The following TNRC6A variants were observed in gnomAD, a reference collection of about 807,000 sequenced individuals.
TNRC6A encodes trinucleotide repeat containing adaptor 6A.
In TNRC6A, 44 loss-of-function variants were observed where a neutral mutation model predicts 221.2. The ratio of observed to expected loss-of-function variants is 0.20; its 90% CI spans 0.16 to 0.26. The LOEUF is 0.26. Among genes scored for constraint, TNRC6A ranks in the 10% least tolerant of loss-of-function variants. The probability of loss-of-function intolerance (pLI) is 1.00; values close to 1 mark genes in which losing one functional copy is unlikely to be tolerated. For synonymous variants in TNRC6A, 847 were observed against 838.5 expected, an observed-to-expected ratio of 1.01 and a Z score of -0.18; for missense variants, 2,199 against 2,404.4, an observed-to-expected ratio of 0.91 and a Z score of 1.79.
chr16:24,817,068 T>G, intron 20 of TNRC6A, 112 bp downstream of exon 20: 2 of 1,143,162 alleles, frequency 1.7e-6, no homozygotes, highest in Non-Finnish European at 2.3e-6. Context: ...CTGGGATCAC[T>G]TGAGCCCAGG....
intron 3 of TNRC6A, among the ~76,000 whole-genome samples, chr16:24,757,595 G>GT (rs1194731727): frequency 2.0e-5 from 3 of 152,140 alleles, no homozygotes; most frequent in African/African-American, 7.2e-5. Context: ...GCCCTTGGGA[G>GT]TTTGAGCTAG....
At chr16:24,813,295 A>G (rs1280721733) in intron 18 of TNRC6A, among the ~76,000 whole-genome samples, 1 of 152,226 alleles carries the variant, frequency 6.6e-6, no homozygotes, top group Non-Finnish European at 1.5e-5. Context: ...CATTGCCCAA[A>G]TAGTGAACAT....
At chr16:24,718,770 C>T (rs912090660) in intron 2 of TNRC6A, among the ~76,000 whole-genome samples, 1 of 152,094 alleles carries the variant, frequency 6.6e-6, no homozygotes, top group African/African-American at 2.4e-5. Context: ...GGTGCAGTAG[C>T]TCACACCTGT....
intron 1 of TNRC6A, among the ~76,000 whole-genome samples, chr16:24,628,286 G>T (rs1436017384): frequency 6.6e-6 from 1 of 151,858 alleles, no homozygotes; most frequent in Non-Finnish European, 1.5e-5. Context: ...TGGGTGTGGT[G>T]GTGGGCGCCT....
chr16:24,714,607 C>G (rs1021050987), intron 2 of TNRC6A, among the ~76,000 whole-genome samples: 4 of 151,972 alleles, frequency 2.6e-5, no homozygotes, highest in Non-Finnish European at 4.4e-5. Context: ...GCCCAGCCTG[C>G]TGTTAATCTT....
chr16:24,734,780 T>G (rs2056725986), intron 2 of TNRC6A, among the ~76,000 whole-genome samples: 1 of 152,238 alleles, frequency 6.6e-6, no homozygotes. Context: ...TTATGTTCAT[T>G]CTAGTGATGA....
At chr16:24,733,515 A>G (rs767575831) in intron 2 of TNRC6A, among the ~76,000 whole-genome samples, 8 of 152,260 alleles carry the variant, frequency 5.3e-5, no homozygotes, top group Non-Finnish European at 2.9e-5. Context: ...GATTACCATT[A>G]GAACTGAACT....
chr16:24,793,653 A>G lies in TNRC6A; in HGVS notation c.3352+4A>G. The G allele has an allele frequency of 6.9e-7, 1 of 1,439,060 alleles. No individual in the cohort carries two copies. The highest frequency in any genetic ancestry group is 1.4e-5 in the African/African-American group (1 of 70,070). 89.1% of individuals were successfully genotyped at this position (1,439,060 alleles called of 1,614,324 possible). Reference sequence around the variant, plus strand: ...CCACAAGCATTAAGCAAATCTGGTAAGTTATTGACAATGCCTGGTAGCTGT... The same window carrying G: ...CCACAAGCATTAAGCAAATCTGGTAGGTTATTGACAATGCCTGGTAGCTGT... On this transcript the variant is annotated splice_donor_region_variant and intron_variant, in intron 7 of 24. Coordinates refer to ENST00000395799, the MANE Select transcript of TNRC6A (RefSeq NM_014494.4).
chr16:24,797,804 T>C, intron 10 of TNRC6A, 111 bp from the exon 11 acceptor site: 1 of 1,012,058 alleles, frequency 9.9e-7, no homozygotes, highest in Non-Finnish European at 1.4e-6. Flanking sequence ...AATGAAGCTT[T>C]ATGATCCACT....
chr16:24,681,419 G>C (rs1044956954), intron 2 of TNRC6A, among the ~76,000 whole-genome samples: 2 of 152,160 alleles, frequency 1.3e-5, no homozygotes, highest in Middle Eastern at 3.4e-3. Flanking sequence ...GTAGAGACAG[G>C]GTTTTCCCAT....
rs762114319 is a variant in TNRC6A, at chr16:24,777,095, C to A, written c.326C>A (p.Pro109Gln). Residue 109 changes from proline (P) to glutamine (Q), a missense_variant, in exon 5 of 25, where the codon CCA (proline) becomes CAA (glutamine). Transcript: ENST00000395799. ...CAGCAGCAGCCGCAGCAGCAGCAGC[C>A]ACAGCAGCAGCCACAGCCGCAGCCG... ...QQQQQPQQQQ[P>Q]QQQPQPQPQQ... The A allele has an allele frequency of 3.4e-6, 5 of 1,475,306 alleles. No homozygotes were observed. Among genetic ancestry groups the A allele is most frequent in the Non-Finnish European group, 4.7e-6 (5 of 1,060,508 alleles). The allele number at this position is 1,475,306 out of a possible 1,614,324, so 91.4% of individuals were successfully genotyped here. A position where few individuals can be genotyped will look rare whatever the true frequency, so the allele number is the denominator to read the frequency against.
intron 2 of TNRC6A, among the ~76,000 whole-genome samples, chr16:24,644,048 G>T (rs1039144390): frequency 1.3e-5 from 2 of 150,808 alleles, no homozygotes; most frequent in Non-Finnish European, 2.9e-5. Context: ...CTAGATCATC[G>T]CTGGGTTTTG....
Position 24,729,795 on chromosome 16 carries a change from CG to C in TNRC6A, c.-46del. The C allele has an allele frequency of 7.1e-7, 1 of 1,404,894 alleles. No homozygotes were observed. Among genetic ancestry groups the C allele is most frequent in the Non-Finnish European group, 9.3e-7 (1 of 1,072,844 alleles). The allele number at this position is 1,404,894 out of a possible 1,614,324, so 87.0% of individuals were successfully genotyped here. A position where few individuals can be genotyped will look rare whatever the true frequency, so the allele number is the denominator to read the frequency against. On this transcript the variant is annotated 5_prime_UTR_variant, in exon 1 of 25. Transcript: ENST00000395799. ...GCGGCGCTGCGGAGGGCTTGAGGCT[CG>C]CGAGCCTCCTTCGCCGCGCCCCACT...
intron 3 of TNRC6A, among the ~76,000 whole-genome samples, chr16:24,756,804 A>G (rs1190064017): frequency 6.6e-6 from 1 of 152,028 alleles, no homozygotes; most frequent in Non-Finnish European, 1.5e-5. Flanking sequence ...TTGGGTTTTT[A>G]TGTGGTCATT....
At chr16:24,732,625 C>A (rs927861211) in intron 2 of TNRC6A, among the ~76,000 whole-genome samples, 9 of 152,130 alleles carry the variant, frequency 5.9e-5, no homozygotes, top group Admixed American at 2.0e-4. Context: ...TTGAAAATTT[C>A]TTTTGGTAGG....
At chr16:24,816,040 A>G (rs11647239) in intron 19 of TNRC6A, 6,049 of 152,416 alleles carry the variant, frequency 0.04, 173 homozygotes, top group Non-Finnish European at 0.062. Flanking sequence ...ATAAACATGA[A>G]TCTGGCGGGT....
intron 18 of TNRC6A, among the ~76,000 whole-genome samples, chr16:24,813,590 G>A (rs963803390): frequency 6.6e-6 from 1 of 152,190 alleles, no homozygotes; most frequent in African/African-American, 2.4e-5. Flanking sequence ...CTGGAACAGG[G>A]TTAGACACAT....
At chr16:24,664,235 G>A (rs969008466) in intron 2 of TNRC6A, among the ~76,000 whole-genome samples, 24 of 151,890 alleles carry the variant, frequency 1.6e-4, no homozygotes, top group Non-Finnish European at 3.2e-4. Context: ...GGGAGGCTGA[G>A]GCAGGAGAAT....
At chr16:24,646,477 GA>G (rs1902296358) in intron 2 of TNRC6A, among the ~76,000 whole-genome samples, 2 of 152,290 alleles carry the variant, frequency 1.3e-5, no homozygotes, top group South Asian at 4.1e-4. Flanking sequence ...ACTTTCCATG[GA>G]GCCTGCTTCC....
Sources: gnomAD v4.1 joint callset for allele counts (sites outside exome capture counted in the v4.1 genomes callset) on GRCh38, gnomAD v4.1.1 for gene constraint, MANE v1.5 for transcripts, NCBI Gene and HGNC (gene_info 2026-07-23, HGNC 2026-07-21) for gene names.